Variants in SYBU observed in about 807,000 individuals in gnomAD.
SYBU encodes GOLSYN A protein.
Under a neutral mutation model 35.9 loss-of-function variants are expected in SYBU, and 21 were observed. The observed-to-expected ratio is 0.58, with a 90% CI of 0.41 to 0.84. SYBU has a LOEUF of 0.84. Among genes scored for constraint, SYBU ranks in the 40% least tolerant of loss-of-function variants. SYBU has a pLI of 0.00. For synonymous variants in SYBU, 319 were observed against 324.3 expected, an observed-to-expected ratio of 0.98 and a Z score of 0.18; for missense variants, 768 against 848.2, an observed-to-expected ratio of 0.91 and a Z score of 1.17.
chr8:109,622,013 T>C (rs1296002051), intron 2 of SYBU, among the ~76,000 whole-genome samples: 1 of 152,138 alleles, frequency 6.6e-6, no homozygotes, highest in Non-Finnish European at 1.5e-5. Flanking sequence ...CTCTCCCTCC[T>C]CCTTTCTTCC....
intron 1 of SYBU, among the ~76,000 whole-genome samples, chr8:109,667,000 C>T (rs1004614223): frequency 3.3e-5 from 5 of 152,066 alleles, no homozygotes; most frequent in African/African-American, 9.7e-5. Flanking sequence ...CAATAAAATG[C>T]CAACTTTCAT....
chr8:109,637,987 A>C (rs1377624423), intron 2 of SYBU, among the ~76,000 whole-genome samples: 1 of 152,212 alleles, frequency 6.6e-6, no homozygotes, highest in Non-Finnish European at 1.5e-5. Flanking sequence ...CCATTTAAAA[A>C]AATTGACCTG....
rs971644814 is a variant in SYBU, at chr8:109,592,271, T to C, written c.428-6109A>G. On this transcript the variant is annotated intron_variant, in intron 3 of 6. Transcript: ENST00000276646. ...ACAAAAGGTGGTTTTCCTTTTGCCA[T>C]TGTTCAGCAAAGAGCATGTTTCTGT... Among the ~76,000 whole-genome samples the C allele has an allele frequency of 6.2e-4, 95 of 152,236 alleles. 1 individual carries two copies. The highest frequency in any genetic ancestry group is 1.9e-4 in the Non-Finnish European group (13 of 68,042).
chr8:109,598,239 A>C (rs557003295), intron 3 of SYBU, among the ~76,000 whole-genome samples: 1 of 152,310 alleles, frequency 6.6e-6, no homozygotes, highest in South Asian at 2.1e-4. Flanking sequence ...ACAGATACAC[A>C]CTGTAGTATA....
chr8:109,600,509 A>G (rs1267381972), intron 3 of SYBU, among the ~76,000 whole-genome samples: 3 of 152,216 alleles, frequency 2.0e-5, no homozygotes, highest in Non-Finnish European at 2.9e-5. Context: ...ACTCAGAAGA[A>G]TATTTAATGA....
Position 109,574,866 on chromosome 8 carries a change from C to T in SYBU, c.*40G>A. 2 of 1,502,998 alleles carry T rather than the reference C, an allele frequency of 1.3e-6. No homozygotes were observed. Among genetic ancestry groups the T allele is most frequent in the Admixed American group, 4.6e-5 (2 of 43,558 alleles). 93.1% of individuals were successfully genotyped at this position (1,502,998 alleles called of 1,614,324 possible). Reference sequence around the variant, plus strand: ...TCCTGTTTCTCTACCTGGCACAACCCACATGGGACACATTGGCACACGGTA... The same window carrying T: ...TCCTGTTTCTCTACCTGGCACAACCTACATGGGACACATTGGCACACGGTA... On this transcript the variant is annotated 3_prime_UTR_variant, in exon 7 of 7. Coordinates refer to ENST00000276646, the MANE Select transcript of SYBU (RefSeq NM_001099754.2).
At chr8:109,670,421 T>A (rs1255685359) in intron 1 of SYBU, among the ~76,000 whole-genome samples, 2 of 151,510 alleles carry the variant, frequency 1.3e-5, no homozygotes, top group Non-Finnish European at 2.9e-5. Flanking sequence ...ACAATTAGAC[T>A]TTTCTTATTT....
At chr8:109,626,589 A>G (rs1385936169) in intron 2 of SYBU, among the ~76,000 whole-genome samples, 1 of 152,222 alleles carries the variant, frequency 6.6e-6, no homozygotes, top group African/African-American at 2.4e-5. Flanking sequence ...TTTCTTGATA[A>G]TTAAACAAAA....
intron 3 of SYBU, among the ~76,000 whole-genome samples, chr8:109,595,062 A>G (rs577509621): frequency 4.0e-4 from 58 of 146,178 alleles, no homozygotes; most frequent in African/African-American, 1.6e-3. Flanking sequence ...TAGTGCTGGC[A>G]CTCAGTAAGC....
intron 3 of SYBU, among the ~76,000 whole-genome samples, chr8:109,599,808 T>A (rs975389068): frequency 2.6e-5 from 4 of 152,180 alleles, no homozygotes; most frequent in African/African-American, 4.8e-5. Context: ...TTAGCACGAT[T>A]TACAAACCCT....
rs552565949 is a variant in SYBU, at chr8:109,586,839, G to A, written c.428-677C>T. Among the ~76,000 whole-genome samples the A allele has an allele frequency of 3.9e-5, 6 of 152,328 alleles. No individual in the cohort carries two copies. In the South Asian group the frequency reaches 1.0e-3, roughly 26 times the overall value. On this transcript the variant is annotated intron_variant, in intron 3 of 6. Coordinates refer to ENST00000276646, the MANE Select transcript of SYBU (RefSeq NM_001099754.2). ...TCAGGGTGGGATTACAGGTAGGGAT[G>A]TTCATTAGTTTGCAAAGATCACATG...
chr8:109,664,239 TA>T (rs148836914), intron 1 of SYBU, among the ~76,000 whole-genome samples: 1 of 152,276 alleles, frequency 6.6e-6, no homozygotes, highest in African/African-American at 2.4e-5. Context: ...CTCAGTCCCG[TA>T]ACATGCTTGG....
intron 3 of SYBU, among the ~76,000 whole-genome samples, chr8:109,607,198 T>C (rs1005169013): frequency 6.6e-6 from 1 of 152,208 alleles, no homozygotes; most frequent in Non-Finnish European, 1.5e-5. Context: ...CCAACCTTTA[T>C]GCTCTTGGAA....
chr8:109,670,028 A>G (rs1441553928), intron 1 of SYBU, among the ~76,000 whole-genome samples: 1 of 152,224 alleles, frequency 6.6e-6, no homozygotes, highest in Non-Finnish European at 1.5e-5. Context: ...ATTCATTTTC[A>G]TGATGTAGAA....
chr8:109,661,950 T>A (rs533917622), intron 1 of SYBU, among the ~76,000 whole-genome samples: 1 of 152,348 alleles, frequency 6.6e-6, no homozygotes, highest in East Asian at 1.9e-4. Context: ...GGAATTTAGA[T>A]CTCCAGCTTG....
intron 3 of SYBU, among the ~76,000 whole-genome samples, chr8:109,594,350 G>A (rs1824619223): frequency 1.3e-5 from 2 of 152,202 alleles, no homozygotes; most frequent in African/African-American, 4.8e-5. Context: ...ATGTTTTGGA[G>A]TCACCTCATT....
chr8:109,616,006 C>CTTTTT lies in SYBU; in HGVS notation c.427+2831_427+2835dup, dbSNP rs35120699. 5.1e-3 allele frequency among the ~76,000 whole-genome samples: 346 copies of CTTTTT among 67,802 alleles called. 1 individual carries two copies. Among genetic ancestry groups the CTTTTT allele is most frequent in the African/African-American group, 5.6e-3 (82 of 14,686 alleles). 44.5% of individuals were successfully genotyped at this position (67,802 alleles called of 152,430 possible). ...TAATTTCTTTTCTTTTCTTTTCTTT[C>CTTTTT]TTTTTTTTTTTTTTTTTTTTTTTGA... On this transcript the variant is annotated intron_variant, in intron 3 of 6. Coordinates refer to ENST00000276646, the MANE Select transcript of SYBU (RefSeq NM_001099754.2).
At chr8:109,655,478 A>G (rs1049441632) in intron 1 of SYBU, among the ~76,000 whole-genome samples, 4 of 152,242 alleles carry the variant, frequency 2.6e-5, no homozygotes, top group African/African-American at 9.6e-5. Flanking sequence ...TGACTTCCAA[A>G]TTGGTATAAC....
At chr8:109,602,625 G>A (rs1355579403) in intron 3 of SYBU, among the ~76,000 whole-genome samples, 1 of 151,888 alleles carries the variant, frequency 6.6e-6, no homozygotes, top group Non-Finnish European at 1.5e-5. Context: ...GTAGAGACAG[G>A]TTTCATCATG....
Sources: allele counts gnomAD v4.1 joint callset (sites outside exome capture counted in the v4.1 genomes callset), GRCh38; gene constraint gnomAD v4.1.1; transcripts MANE v1.5; gene names NCBI Gene and HGNC (gene_info 2026-07-23, HGNC 2026-07-21).